The following LRP1B variants were observed in gnomAD, a reference collection of about 807,000 sequenced individuals.
LRP1B encodes LDL receptor related protein 1B, also known as low-density lipoprotein receptor-related protein 1B.
A neutral mutation model predicts 556.6 loss-of-function variants in LRP1B; 217 were observed. That is an observed-to-expected ratio of 0.39 (90% confidence interval 0.35 to 0.44). The LOEUF is 0.44. Ranked by LOEUF, LRP1B falls within the 20% of genes least tolerant of loss-of-function variation. LRP1B has a pLI of 1.00. For synonymous variants in LRP1B, 2,047 were observed against 1,865.8 expected (o/e 1.10, Z -2.50); for missense variants, 5,053 against 5,620.8 (o/e 0.90, Z 3.23).
chr2:140,690,454 T>G (rs1686198258), intron 41 of LRP1B, among the ~76,000 whole-genome samples: 1 of 152,188 alleles, frequency 6.6e-6, no homozygotes, highest in African/African-American at 2.4e-5. Flanking sequence ...CATATGCTTT[T>G]TCTCTTATTA....
At chr2:141,076,096 C>G (rs1330960239) in intron 7 of LRP1B, among the ~76,000 whole-genome samples, 4 of 152,140 alleles carry the variant, frequency 2.6e-5, no homozygotes, top group African/African-American at 9.7e-5. Flanking sequence ...TTCTGTAAAG[C>G]AATACTTTCT....
intron 3 of LRP1B, among the ~76,000 whole-genome samples, chr2:141,465,543 C>CTTTTT (rs71391652): frequency 0.064 from 7,535 of 117,118 alleles, 312 homozygotes; most frequent in Non-Finnish European, 0.082. Flanking sequence ...CACAGCATGA[C>CTTTTT]TTTTTTTTTT....
At chr2:141,391,269 T>C (rs1357538008) in intron 3 of LRP1B, among the ~76,000 whole-genome samples, 1 of 152,200 alleles carries the variant, frequency 6.6e-6, no homozygotes, top group African/African-American at 2.4e-5. Context: ...TACAGTGCCT[T>C]ACTTATAGCC....
intron 41 of LRP1B, among the ~76,000 whole-genome samples, chr2:140,696,132 C>A (rs138416947): frequency 6.6e-6 from 1 of 152,106 alleles, no homozygotes; most frequent in East Asian, 1.9e-4. Flanking sequence ...AACAAAAGAA[C>A]ATATAGTTTT....
intron 6 of LRP1B, among the ~76,000 whole-genome samples, chr2:141,210,398 A>C (rs1314385421): frequency 6.6e-6 from 1 of 152,216 alleles, no homozygotes; most frequent in East Asian, 1.9e-4. Context: ...CACAAAAGTA[A>C]TAATTTCTCT....
intron 3 of LRP1B, among the ~76,000 whole-genome samples, chr2:141,416,232 C>T (rs1247828254): frequency 2.0e-5 from 3 of 152,104 alleles, no homozygotes; most frequent in African/African-American, 7.2e-5. Flanking sequence ...AGTTAAGGCT[C>T]TAGATTACAT....
At chr2:140,988,558 GA>G (rs142425462) in intron 17 of LRP1B, among the ~76,000 whole-genome samples, 1 of 151,484 alleles carries the variant, frequency 6.6e-6, no homozygotes, top group Non-Finnish European at 1.5e-5. Context: ...TACCGTGCTG[GA>G]AAAAAAAGCT....
chr2:141,239,639 T>C (rs553841720), intron 5 of LRP1B, among the ~76,000 whole-genome samples: 18 of 152,054 alleles, frequency 1.2e-4, no homozygotes, highest in Non-Finnish European at 2.4e-4. Context: ...AGTTTTCTAA[T>C]TCAAATAAGA....
intron 1 of LRP1B, among the ~76,000 whole-genome samples, chr2:141,973,195 C>T (rs1302854424): frequency 1.3e-5 from 2 of 151,424 alleles, no homozygotes; most frequent in Non-Finnish European, 3.0e-5. Flanking sequence ...ATTTAGTATC[C>T]TTTTCCTTTT....
chr2:141,448,042 C>G (rs1321545081), intron 3 of LRP1B, among the ~76,000 whole-genome samples: 1 of 152,192 alleles, frequency 6.6e-6, no homozygotes, highest in Non-Finnish European at 1.5e-5. Context: ...GGTGCTCTGT[C>G]CCAGGGAGAT....
rs1242899906 is a variant in LRP1B at position 140,501,872 on chromosome 2, G to C, written c.8665C>G (p.Gln2889Glu). 2 of 1,579,056 alleles carry C rather than the reference G, an allele frequency of 1.3e-6. No individual in the cohort carries two copies. Among genetic ancestry groups the C allele is most frequent in the Non-Finnish European group, 1.7e-6 (2 of 1,162,358 alleles). Residue 2889 changes from glutamine to glutamate, a missense_variant and splice_region_variant, in exon 55 of 91, where the codon CAG (glutamine) becomes GAG (glutamate). Physicochemically the swap from Gln to Glu is conservative, Grantham distance 29. Around this residue, in one of 5 missense-constraint regions of LRP1B, gnomAD observed 3,619 missense variants for 3,931.9 expected, o/e 0.92. Transcript: ENST00000389484. Reference sequence around the variant, plus strand: ...ATAAAAAATGAACTGTTGCATGACTGTTCTGGAAAAAAAATAAAACAAATG... The same window carrying C: ...ATAAAAAATGAACTGTTGCATGACTCTTCTGGAAAAAAAATAAAACAAATG... ...PLNPKCKSAE[Q>E]SCNSSFFMCK...
At chr2:140,719,418 A>C (rs926778305) in intron 35 of LRP1B, among the ~76,000 whole-genome samples, 2 of 152,098 alleles carry the variant, frequency 1.3e-5, no homozygotes, top group African/African-American at 4.8e-5. Context: ...ACAATAAAAA[A>C]AAAAAGGTAC....
chr2:141,893,919 TTTC>T (rs1699361826), intron 1 of LRP1B, among the ~76,000 whole-genome samples: 1 of 152,088 alleles, frequency 6.6e-6, no homozygotes, highest in Non-Finnish European at 1.5e-5. Flanking sequence ...CTTCCTCTTT[TTTC>T]TTTTTTCTTT....
At chr2:141,267,316 C>T (rs1428520470) in intron 3 of LRP1B, among the ~76,000 whole-genome samples, 1 of 152,110 alleles carries the variant, frequency 6.6e-6, no homozygotes, top group Non-Finnish European at 1.5e-5. Flanking sequence ...CTTAAACTAT[C>T]TGAGCTTCAG....
rs1558858138 is a variant in LRP1B at position 141,096,629 on chromosome 2, G to GAGAGAGAGAGAGAGAGAGA, written c.1014-34357_1014-34356insTCTCTCTCTCTCTCTCTCT. 6.4e-4 allele frequency among the ~76,000 whole-genome samples: 38 copies of GAGAGAGAGAGAGAGAGAGA among 59,742 alleles called. 4 individuals carry two copies. The highest frequency in any genetic ancestry group is 1.1e-3 in the Admixed American group (5 of 4,676). 39.2% of individuals were successfully genotyped at this position (59,742 alleles called of 152,430 possible). A position where few individuals can be genotyped will look rare whatever the true frequency, so the allele number is the denominator to read the frequency against. On this transcript the variant is annotated intron_variant, in intron 7 of 90. Transcript: ENST00000389484. ...CTGAATGACAAAGACGGGGAGAGGG[G>GAGAGAGAGAGAGAGAGAGA]GAGAGAGAGAGAGAGAGAGAGAGAG...
chr2:141,049,293 G>T, intron 10 of LRP1B, 71 bp from the exon 11 acceptor site: 1 of 946,288 alleles, frequency 1.1e-6, no homozygotes, highest in South Asian at 1.4e-5. Flanking sequence ...TAATGCCACC[G>T]TTTAACTGGC....
intron 2 of LRP1B, among the ~76,000 whole-genome samples, chr2:141,523,718 A>C (rs73963379): frequency 0.028 from 4,260 of 152,216 alleles, 202 homozygotes; most frequent in African/African-American, 0.098. Context: ...CATCCAGAGC[A>C]GTTTTATACA....
chr2:142,031,066 T>C (rs1703675642), intron 1 of LRP1B, among the ~76,000 whole-genome samples: 1 of 151,932 alleles, frequency 6.6e-6, no homozygotes, highest in Admixed American at 6.6e-5. Flanking sequence ...CTGAATTATA[T>C]ACTTTTAAGT....
chr2:140,575,388 A>G (rs1351039288), intron 43 of LRP1B, among the ~76,000 whole-genome samples: 1 of 152,202 alleles, frequency 6.6e-6, no homozygotes, highest in Non-Finnish European at 1.5e-5. Flanking sequence ...TAATCCATAT[A>G]GACATAATTA....
Sources: gnomAD v4.1 joint callset for allele counts (sites outside exome capture counted in the v4.1 genomes callset) on GRCh38, gnomAD v4.1.1 for gene constraint, gnomAD v4.1.1 regional missense constraint, MANE v1.5 for transcripts, NCBI Gene and HGNC (gene_info 2026-07-23, HGNC 2026-07-21) for gene names.